The following KLRG1 variants were observed in gnomAD, a reference collection of about 807,000 sequenced individuals.
KLRG1 encodes killer cell lectin-like receptor subfamily G member 1.
A neutral mutation model predicts 21.8 loss-of-function variants in KLRG1; 16 were observed. That is an observed-to-expected ratio of 0.73 (90% CI 0.50 to 1.11). The LOEUF is 1.11. Among genes scored for constraint, KLRG1 ranks in the 50% most tolerant of loss-of-function variants. KLRG1 has a pLI of 0.00. For missense variants in KLRG1, 173 were observed against 218.3 expected (o/e 0.79, Z 1.31); for synonymous variants, 69 against 75.9 (o/e 0.91, Z 0.47).
chr12:9,014,541 G>A (rs1947673831), downstream of KLRG1, among the ~76,000 whole-genome samples: 1 of 151,968 alleles, frequency 6.6e-6, no homozygotes, highest in Non-Finnish European at 1.5e-5. Context: ...GAGAAATAAT[G>A]ACTTTCCCAA....
At chr12:9,101,492 A>G in the KLRG1 span, 22 of 1,613,818 alleles carry the variant, frequency 1.4e-5, no homozygotes, top group Non-Finnish European at 1.8e-5. Flanking sequence ...GGGTGCCTCC[A>G]TTCAGAATAT....
the KLRG1 span, among the ~76,000 whole-genome samples, chr12:9,111,721 C>T: frequency 6.6e-6 from 1 of 152,154 alleles, no homozygotes; most frequent in Non-Finnish European, 1.5e-5. Context: ...ATAGAAAGAA[C>T]TGTTTCTTAT....
At chr12:9,139,414 A>T in the KLRG1 span, among the ~76,000 whole-genome samples, 1 of 152,168 alleles carries the variant, frequency 6.6e-6, no homozygotes, top group Non-Finnish European at 1.5e-5. Context: ...GTTTGGTGGA[A>T]TATTCTGCAT....
At chr12:9,033,879 G>A in the KLRG1 span, among the ~76,000 whole-genome samples, 1 of 152,166 alleles carries the variant, frequency 6.6e-6, no homozygotes, top group Admixed American at 6.5e-5. Flanking sequence ...ACTCCCTATC[G>A]GTGGGAGATC....
chr12:8,977,370 A>ATTTTT (rs1229287155), intron 1 of KLRG1, among the ~76,000 whole-genome samples: 9 of 127,832 alleles, frequency 7.0e-5, no homozygotes, highest in East Asian at 2.4e-4. Context: ...TGCCTGGCTA[A>ATTTTT]TTTTTTTTTT....
chr12:9,090,586 C>T, the KLRG1 span: 1 of 1,230,200 alleles, frequency 8.1e-7, no homozygotes, highest in South Asian at 1.4e-5. Context: ...CAGGTTGCCT[C>T]ACATTAAAGA....
the KLRG1 span, chr12:9,077,308 A>G: frequency 8.3e-6 from 13 of 1,572,506 alleles, no homozygotes; most frequent in Non-Finnish European, 1.0e-5. Context: ...CATTGCATCC[A>G]GAACTCTCCT....
the KLRG1 span, chr12:9,111,642 G>T: frequency 1.2e-5 from 5 of 412,734 alleles, no homozygotes; most frequent in African/African-American, 2.1e-5. Flanking sequence ...CTCTTTTTGA[G>T]ATAAGAAAAT....
chr12:9,059,032 T>A, the KLRG1 span, among the ~76,000 whole-genome samples: 1 of 152,222 alleles, frequency 6.6e-6, no homozygotes, highest in African/African-American at 2.4e-5. Flanking sequence ...TCCAGTAAGA[T>A]GAAAACATAT....
intron 1 of KLRG1, among the ~76,000 whole-genome samples, chr12:8,978,642 T>TTC (rs1424123740): frequency 6.1e-5 from 1 of 16,408 alleles, no homozygotes; most frequent in Non-Finnish European, 2.3e-4. Context: ...TTTCTTTCTT[T>TTC]TCTTTCTTTC....
chr12:9,160,552 A>G, the KLRG1 span: 7 of 1,477,280 alleles, frequency 4.7e-6, no homozygotes, highest in Non-Finnish European at 6.5e-6. Context: ...CAACATTATT[A>G]ACAAAAATGG....
At chr12:9,008,064 TGGTGTA>T (rs1947523737) in intron 3 of KLRG1, among the ~76,000 whole-genome samples, 1 of 152,226 alleles carries the variant, frequency 6.6e-6, no homozygotes, top group African/African-American at 2.4e-5. Context: ...CACACATAAG[TGGTGTA>T]GCCAATTTAC....
the KLRG1 span, chr12:9,077,587 A>G: frequency 6.6e-7 from 1 of 1,523,658 alleles, no homozygotes; most frequent in African/African-American, 1.4e-5. Flanking sequence ...GGTGCCATCC[A>G]GGTTTTATTT....
the KLRG1 span, among the ~76,000 whole-genome samples, chr12:9,065,508 G>A: frequency 6.6e-6 from 1 of 152,300 alleles, no homozygotes; most frequent in South Asian, 2.1e-4. Context: ...GTGCTGATAC[G>A]CCAGCCCCCT....
chr12:9,157,208 G>T, the KLRG1 span: 90 of 1,613,950 alleles, frequency 5.6e-5, no homozygotes, highest in Middle Eastern at 3.3e-4. Flanking sequence ...AGTGAGTTCA[G>T]TATTTCTCTA....
At chr12:9,107,490 C>T in the KLRG1 span, 14 of 1,610,936 alleles carry the variant, frequency 8.7e-6, no homozygotes, top group South Asian at 5.5e-5. Context: ...ATGCCTTTAT[C>T]GCTATTCTCT....
rs1010857998 is a variant in KLRG1 at position 8,963,167 on chromosome 12, A to G, written c.-156+12931A>G. Reference sequence around the variant, plus strand: ...GAAAACCCTGTCAACCTAGAGTTCTATGCATTCAAAAATACCTTTCAGAAA... The same window carrying G: ...GAAAACCCTGTCAACCTAGAGTTCTGTGCATTCAAAAATACCTTTCAGAAA... On this transcript the variant is annotated intron_variant, in intron 1 of 4. Coordinates refer to the KLRG1 transcript ENST00000539240. Among the ~76,000 whole-genome samples, 21 of 152,232 alleles carry G rather than the reference A, an allele frequency of 1.4e-4. No homozygotes were observed. In the East Asian group the frequency reaches 3.3e-3, roughly 24 times the overall value.
chr12:9,081,033 T>G, the KLRG1 span, among the ~76,000 whole-genome samples: 1 of 152,136 alleles, frequency 6.6e-6, no homozygotes, highest in Non-Finnish European at 1.5e-5. Flanking sequence ...TATCTTCCCT[T>G]TCTCATAAAA....
At chr12:9,096,193 G>C in the KLRG1 span, among the ~76,000 whole-genome samples, 1 of 152,184 alleles carries the variant, frequency 6.6e-6, no homozygotes, top group Non-Finnish European at 1.5e-5. Context: ...TCATTTTGAA[G>C]ATGTTTAACA....
Sources: gnomAD v4.1 joint callset for allele counts (sites outside exome capture counted in the v4.1 genomes callset) on GRCh38, gnomAD v4.1.1 for gene constraint, MANE v1.5 for transcripts, NCBI Gene and HGNC (gene_info 2026-07-23, HGNC 2026-07-21) for gene names.